Variants in TAAR1 observed in about 807,000 individuals in gnomAD.
TAAR1 encodes the protein trace amine-associated receptor 1.
Under a neutral mutation model 1.2 loss-of-function variants are expected in TAAR1, and 1 was observed. The ratio of observed to expected loss-of-function variants is 0.81; its 90% confidence interval spans 0.29 to 3.86. TAAR1 has a LOEUF of 3.86. Among genes scored for constraint, TAAR1 ranks in the 30% most tolerant of loss-of-function variants. The probability of loss-of-function intolerance (pLI) is 0.18; values close to 1 mark genes in which losing one functional copy is unlikely to be tolerated. For synonymous variants in TAAR1, 153 were observed against 132.2 expected (o/e 1.16, Z -1.08); for missense variants, 445 against 405.6 (o/e 1.10, Z -0.83).
chr6:132,646,234 C>T (rs1196884090), intron 1 of TAAR1, among the ~76,000 whole-genome samples, 105 bp from the exon 2 acceptor site: 1 of 152,166 alleles, frequency 6.6e-6, no homozygotes, highest in Non-Finnish European at 1.5e-5. Flanking sequence ...TTGGAAGGGA[C>T]TTTATTTCCA....
At chr6:132,648,653 A>T (rs1582751661) in intron 1 of TAAR1, among the ~76,000 whole-genome samples, 1 of 152,324 alleles carries the variant, frequency 6.6e-6, no homozygotes, top group Non-Finnish European at 1.5e-5. Flanking sequence ...TCATTGTATG[A>T]GTGCTTTTTG....
At chr6:132,646,306 C>A (rs1177001932) in intron 1 of TAAR1, among the ~76,000 whole-genome samples, 177 bp from the exon 2 acceptor site, 1 of 152,124 alleles carries the variant, frequency 6.6e-6, no homozygotes, top group Non-Finnish European at 1.5e-5. Flanking sequence ...GCTGGACATT[C>A]TTCTAGAAAT....
At chr6:132,654,156 G>T (rs375630999) in intron 1 of TAAR1, among the ~76,000 whole-genome samples, 39 of 151,356 alleles carry the variant, frequency 2.6e-4, no homozygotes, top group African/African-American at 9.4e-4. Flanking sequence ...GTCCTTAAAT[G>T]GAAGAATAGT....
intron 1 of TAAR1, among the ~76,000 whole-genome samples, chr6:132,647,246 C>A (rs777643669): frequency 2.1e-4 from 32 of 152,026 alleles, no homozygotes; most frequent in Non-Finnish European, 3.8e-4. Context: ...TTGTACTTCA[C>A]TGAAGAACCT....
rs575373950 is a variant in TAAR1 at position 132,643,614 on chromosome 6, C to A, written c.*1370G>T. ...TCAGATTTGTAAACAGAAATTTATA[C>A]GCAGCAGTGTGCATTTAGTTACGTT... On this transcript the variant is annotated 3_prime_UTR_variant, in exon 2 of 2. Transcript: ENST00000275216. Among the ~76,000 whole-genome samples, 3 of 151,888 alleles carry A rather than the reference C, an allele frequency of 2.0e-5. No homozygotes were observed. The highest frequency in any genetic ancestry group is 4.4e-5 in the Non-Finnish European group (3 of 67,892).
At chr6:132,647,662 A>AAG (rs1562203092) in intron 1 of TAAR1, among the ~76,000 whole-genome samples, 2 of 148,390 alleles carry the variant, frequency 1.3e-5, no homozygotes, top group African/African-American at 5.1e-5. Flanking sequence ...GAAAGAAAGA[A>AAG]AGAAAGAAAG....
intron 1 of TAAR1, among the ~76,000 whole-genome samples, chr6:132,658,333 G>A (rs931874689): frequency 1.3e-5 from 2 of 152,058 alleles, no homozygotes; most frequent in African/African-American, 2.4e-5. Context: ...AAATTCATTT[G>A]TTTGCTCCTA....
Position 132,645,813 on chromosome 6 carries a change from G to A in TAAR1, c.191C>T (p.Ser64Phe), listed in dbSNP as rs140580837. 3.7e-6 allele frequency: 6 copies of A among 1,613,766 alleles called. No individual in the cohort carries two copies. In the East Asian group the frequency reaches 1.3e-4, roughly 36 times the overall value. ...LHTPTNWLIHSMATVDFLLGC... is the reference protein window; with the variant it reads ...LHTPTNWLIHFMATVDFLLGC... ...CAGAAGAAAGTCCACAGTGGCCATG[G>A]AATGAATGAGCCAATTTGTTGGGGT... Residue 64 changes from serine (S) to phenylalanine (F), a missense_variant, in exon 2 of 2, where the codon TCC becomes TTC. Ser to Phe is a radical substitution (Grantham distance 155, BLOSUM62 -2). Transcript: ENST00000275216.
chr6:132,651,333 C>T (rs962823239), intron 1 of TAAR1, among the ~76,000 whole-genome samples: 1 of 152,180 alleles, frequency 6.6e-6, no homozygotes, highest in Non-Finnish European at 1.5e-5. Flanking sequence ...CATATGAATA[C>T]TTCCAGCTTT....
In TAAR1 at chr6:132,645,324, GC is replaced by G. The variant is rs752764484; in HGVS notation, c.679del (p.Ala227ProfsTer11). On this transcript the variant is annotated frameshift_variant, in exon 2 of 2. Coordinates refer to ENST00000275216, the MANE Select transcript of TAAR1 (RefSeq NM_138327.4). LOFTEE classifies it low-confidence loss of function (END_TRUNC). The stretch of plus-strand genomic sequence containing the variant: ...CAATCCAATTTGGAGCTTCTGATTG[GC>G]ATCACTAATTAATCTTGCCTGTTCT... ...AKEQARLISD[A>X]NQKLQIGLEM... is the part of the protein sequence containing the mutation. 5.6e-6 allele frequency: 9 copies of G among 1,613,350 alleles called. No individual in the cohort carries two copies. In the South Asian group the frequency reaches 9.9e-5, roughly 18 times the overall value.
chr6:132,656,724 A>G (rs576822311), intron 1 of TAAR1, among the ~76,000 whole-genome samples: 1 of 152,332 alleles, frequency 6.6e-6, no homozygotes, highest in Non-Finnish European at 1.5e-5. Context: ...GTTATTTTAA[A>G]AGGAAAGAAG....
At chr6:132,657,097 A>G (rs1226335226) in intron 1 of TAAR1, among the ~76,000 whole-genome samples, 2 of 152,168 alleles carry the variant, frequency 1.3e-5, no homozygotes, top group Non-Finnish European at 2.9e-5. Context: ...AAAATGAAAA[A>G]CAAATAAATT....
Position 132,647,620 on chromosome 6 carries a change from A to AG in TAAR1, c.-126-1492_-126-1491insC, listed in dbSNP as rs1193927610. On this transcript the variant is annotated intron_variant, in intron 1 of 1. Coordinates refer to ENST00000275216, the MANE Select transcript of TAAR1 (RefSeq NM_138327.4). ...AGAGAAAGAAAAAAGAAAGAAAGAA[A>AG]AAGGAAAGAAAGAAAGAAAGAAAGA... Among the ~76,000 whole-genome samples, 533 of 63,864 alleles carry AG rather than the reference A, an allele frequency of 8.3e-3. 3 individuals are homozygous for AG. Among genetic ancestry groups the AG allele is most frequent in the African/African-American group, 0.016 (214 of 13,382 alleles). The allele number at this position is 63,864 out of a possible 152,430, so 41.9% of individuals were successfully genotyped here.
chr6:132,647,680 G>GAAAGAAAGAAAGA (rs377319077), intron 1 of TAAR1, among the ~76,000 whole-genome samples: 1 of 140,786 alleles, frequency 7.1e-6, no homozygotes. Flanking sequence ...AAGAAAGAAA[G>GAAAGAAAGAAAGA]AAGAAAGAAA....
At position 132,645,898 on chromosome 6, in the gene TAAR1, TC is replaced by T; in HGVS notation, c.105del (p.Thr36ProfsTer7). The T allele has an allele frequency of 1.2e-6, 2 of 1,613,792 alleles. No homozygotes were observed. Among genetic ancestry groups the T allele is most frequent in the South Asian group, 2.2e-5 (2 of 91,076 alleles). The part of the protein sequence containing the change: ...SLYSLMVLII[L>X]TTLVGNLIVI... ...ACTATCAGATTGCCAACGAGTGTGG[TC>T]AGAATTATGAGCACCATTAAACTGT... On this transcript the variant is annotated frameshift_variant, in exon 2 of 2. Transcript: ENST00000275216. LOFTEE classifies it low-confidence loss of function (END_TRUNC).
intron 1 of TAAR1, among the ~76,000 whole-genome samples, chr6:132,652,785 C>A (rs1429636191): frequency 6.6e-6 from 1 of 151,314 alleles, no homozygotes; most frequent in Non-Finnish European, 1.5e-5. Flanking sequence ...AGCTTCTAAG[C>A]CAATAAGAAG....
chr6:132,656,323 T>A (rs1777804019), intron 1 of TAAR1, among the ~76,000 whole-genome samples: 1 of 152,116 alleles, frequency 6.6e-6, no homozygotes, highest in Non-Finnish European at 1.5e-5. Context: ...GAAATCAAGG[T>A]GCTGTGTCAA....
At chr6:132,648,546 A>G (rs145342838) in intron 1 of TAAR1, among the ~76,000 whole-genome samples, 1 of 152,328 alleles carries the variant, frequency 6.6e-6, no homozygotes, top group African/African-American at 2.4e-5. Context: ...GGTTTAAGAG[A>G]CATCAAGCCT....
chr6:132,645,414 G>C lies in TAAR1; in HGVS notation c.590C>G (p.Thr197Ser), dbSNP rs772535179. The C allele has an allele frequency of 6.2e-7, 1 of 1,613,618 alleles. No homozygotes were observed. Among genetic ancestry groups the C allele is most frequent in the Admixed American group, 1.7e-5 (1 of 59,922 alleles). The change falls in exon 2 of 2, where the codon ACT becomes AGT. Residue 197 changes from threonine (T) to serine (S), a missense_variant. Coordinates refer to ENST00000275216, the MANE Select transcript of TAAR1 (RefSeq NM_138327.4). ...AATAGATCCAGGTATATAAAAAGAA[G>C]TCATAAAGGTCAGTACCCCAGATAT... ...SKISGVLTFM[T>S]SFYIPGSIML...
Sources: allele counts gnomAD v4.1 joint callset (sites outside exome capture counted in the v4.1 genomes callset), GRCh38; gene constraint gnomAD v4.1.1; transcripts MANE v1.5; gene names NCBI Gene and HGNC (gene_info 2026-07-23, HGNC 2026-07-21).